The following MYO16 variants were observed in gnomAD, a reference collection of about 807,000 sequenced individuals.
MYO16 encodes the protein myosin XVI.
A neutral mutation model predicts 205.3 loss-of-function variants in MYO16; 94 were observed. That is an observed-to-expected ratio of 0.46 (90% CI 0.39 to 0.54). The LOEUF (loss-of-function observed/expected upper bound fraction) is 0.54. Ranked by LOEUF, MYO16 falls within the 20% of genes least tolerant of loss-of-function variation. MYO16 has a pLI of 0.00. For missense variants in MYO16, 2,315 were observed against 2,387.5 expected (o/e 0.97, Z 0.63); for synonymous variants, 988 against 954.0 (o/e 1.04, Z -0.66).
At position 109,127,571 on chromosome 13, in the gene MYO16, C is replaced by T; in HGVS notation, c.4051+21C>T. ...CGAAGGTCAGCCCTGGGGAGGGACC[C>T]AGCCTCGTGTTCCGGGCTCGCGCAT... On this transcript the variant is annotated intron_variant, in intron 31 of 34. Transcript: ENST00000457511. This position sits in a 1 kb window ranked among gnomAD's most constrained non-coding sequence, Gnocchi z 4.2. The T allele has an allele frequency of 6.2e-7, 1 of 1,603,384 alleles. No individual in the cohort carries two copies. The highest frequency in any genetic ancestry group is 1.1e-5 in the South Asian group (1 of 90,646).
At chr13:108,716,787 T>C (rs1394949453) in intron 3 of MYO16, among the ~76,000 whole-genome samples, 1 of 152,220 alleles carries the variant, frequency 6.6e-6, no homozygotes, top group African/African-American at 2.4e-5. Context: ...AATTACTTAG[T>C]TGTGTTTAAC....
At position 109,140,246 on chromosome 13, in the gene MYO16, C is replaced by T. The variant is rs201978791; in HGVS notation, c.4052-18C>T. The T allele has an allele frequency of 7.2e-3, 11,477 of 1,597,208 alleles. 59 individuals carry two copies. The highest frequency in any genetic ancestry group is 8.9e-3 in the Non-Finnish European group (10,460 of 1,178,390). ...GGCCTGGCCTGGCACCCACTGACCG[C>T]GTCCTTTCCTGCCGCAGCTCTGGCC... On this transcript the variant is annotated intron_variant, in intron 31 of 34. Coordinates refer to ENST00000457511, the MANE Select transcript of MYO16 (RefSeq NM_001198950.3). The surrounding 1 kb of genome is among the most constrained non-coding windows in gnomAD (Gnocchi z 8.0).
intron 16 of MYO16, among the ~76,000 whole-genome samples, chr13:108,921,404 T>A (rs1270132751): frequency 6.6e-6 from 1 of 152,220 alleles, no homozygotes; most frequent in Non-Finnish European, 1.5e-5. Context: ...GTGACCATTC[T>A]TACACATGAT....
chr13:108,973,416 A>T (rs1248797390), intron 20 of MYO16, among the ~76,000 whole-genome samples: 1 of 152,234 alleles, frequency 6.6e-6, no homozygotes, highest in Admixed American at 6.5e-5. Context: ...CAATGATTCA[A>T]TTCCTGAAAT....
intron 13 of MYO16, among the ~76,000 whole-genome samples, chr13:108,885,985 G>A (rs77078022): frequency 6.6e-6 from 1 of 151,804 alleles, no homozygotes; most frequent in African/African-American, 2.4e-5. Context: ...TTTGCTTTGG[G>A]TCTTTTTTTT....
In MYO16 at chr13:109,055,195, C is replaced by CT. The variant is rs1198052643; in HGVS notation, c.3129+77dup. On this transcript the variant is annotated intron_variant, in intron 26 of 34. Transcript: ENST00000457511. This position sits in a 1 kb window ranked among gnomAD's most constrained non-coding sequence, Gnocchi z 5.0. ...AGCAACTAAAGAGGGTTTATGTAGA[C>CT]TTTTTTTTCCATTTTTGACAACTTA... is the stretch of plus-strand genomic sequence containing the variant. The CT allele has an allele frequency of 3.2e-5, 43 of 1,323,254 alleles. No homozygotes were observed. The highest frequency in any genetic ancestry group is 1.0e-4 in the African/African-American group (7 of 67,036). The allele number at this position is 1,323,254 out of a possible 1,614,324, so 82.0% of individuals were successfully genotyped here.
chr13:108,626,909 T>C (rs1879761058), upstream of MYO16, among the ~76,000 whole-genome samples: 1 of 146,742 alleles, frequency 6.8e-6, no homozygotes, highest in Admixed American at 6.9e-5. Context: ...GTATATTATA[T>C]ATATTATATA....
the MYO16 span, among the ~76,000 whole-genome samples, chr13:108,499,138 A>G: frequency 1.3e-5 from 2 of 152,244 alleles, no homozygotes; most frequent in East Asian, 3.8e-4. Flanking sequence ...TCAAACATTT[A>G]TACTCAACTT....
chr13:108,667,319 T>G (rs868785714), intron 2 of MYO16, among the ~76,000 whole-genome samples: 3 of 143,616 alleles, frequency 2.1e-5, no homozygotes, highest in Middle Eastern at 3.5e-3. Context: ...ATTTCTGTTT[T>G]GTTTTTTTTT....
chr13:109,040,148 G>A (rs1886834818), intron 23 of MYO16, among the ~76,000 whole-genome samples: 1 of 151,940 alleles, frequency 6.6e-6, no homozygotes, highest in Non-Finnish European at 1.5e-5. Flanking sequence ...AATTTGAATA[G>A]CACCATAACT....
At chr13:108,655,761 TG>T (rs1233132131) in intron 1 of MYO16, among the ~76,000 whole-genome samples, 5 of 152,184 alleles carry the variant, frequency 3.3e-5, no homozygotes, top group African/African-American at 9.6e-5. Flanking sequence ...GTGACCTGGA[TG>T]TGAGACCTGG....
chr13:109,150,813 G>A (rs1384037362), intron 32 of MYO16, among the ~76,000 whole-genome samples: 4 of 152,168 alleles, frequency 2.6e-5, no homozygotes, highest in African/African-American at 9.7e-5. Context: ...TCTCTACACT[G>A]GATTGCAAAT....
chr13:108,679,304 G>A (rs1313549340), intron 2 of MYO16, among the ~76,000 whole-genome samples: 5 of 151,932 alleles, frequency 3.3e-5, no homozygotes, highest in South Asian at 2.1e-4. Context: ...CCACTCACCC[G>A]CTTCCTTCTT....
intron 1 of MYO16, among the ~76,000 whole-genome samples, chr13:108,615,780 T>C (rs1032936235): frequency 6.6e-6 from 1 of 152,196 alleles, no homozygotes; most frequent in African/African-American, 2.4e-5. Flanking sequence ...ATTAATGATT[T>C]CCAGAGGCCT....
chr13:109,003,293 G>A (rs1885277368), intron 21 of MYO16, among the ~76,000 whole-genome samples: 1 of 152,136 alleles, frequency 6.6e-6, no homozygotes, highest in Non-Finnish European at 1.5e-5. Context: ...ATTTCTCTAC[G>A]GGATTTTAAT....
chr13:109,140,661 C>T lies in MYO16; in HGVS notation c.4449C>T (p.His1483=), dbSNP rs141423536. The T allele has an allele frequency of 0.045, 67,780 of 1,494,596 alleles. 1,722 individuals carry two copies. The highest frequency in any genetic ancestry group is 0.051 in the Non-Finnish European group (57,765 of 1,125,802). The allele number at this position is 1,494,596 out of a possible 1,614,324, so 92.6% of individuals were successfully genotyped here. A position where few individuals can be genotyped will look rare whatever the true frequency, so the allele number is the denominator to read the frequency against. The part of the protein sequence containing the change: ...LLHGASPPLL[H]RAPEDEAAGP... ...ACGGCGCATCGCCGCCCCTGCTCCACCGCGCGCCGGAGGACGAGGCGGCGG... is the reference window on the plus strand; with the variant it reads ...ACGGCGCATCGCCGCCCCTGCTCCATCGCGCGCCGGAGGACGAGGCGGCGG... The change falls in exon 32 of 35, where the codon CAC becomes CAT. Residue 1483 remains histidine, a synonymous_variant. Coordinates refer to ENST00000457511, the MANE Select transcript of MYO16 (RefSeq NM_001198950.3). This position sits in a 1 kb window ranked among gnomAD's most constrained non-coding sequence, Gnocchi z 8.0.
intron 1 of MYO16, among the ~76,000 whole-genome samples, chr13:108,604,886 A>T (rs1453060224): frequency 6.6e-6 from 1 of 152,172 alleles, no homozygotes; most frequent in Admixed American, 6.6e-5. Context: ...CATATTATTG[A>T]GTAAATGGCT....
intron 16 of MYO16, among the ~76,000 whole-genome samples, chr13:108,914,698 A>G (rs1028141138): frequency 6.6e-6 from 1 of 152,048 alleles, no homozygotes; most frequent in Non-Finnish European, 1.5e-5. Flanking sequence ...GCTGGAGTGC[A>G]GTGGTGCTAT....
chr13:108,673,153 C>T (rs1882062343), intron 2 of MYO16, among the ~76,000 whole-genome samples: 1 of 152,090 alleles, frequency 6.6e-6, no homozygotes, highest in Non-Finnish European at 1.5e-5. Context: ...TAGACAACGT[C>T]ATACTGCAAA....
Sources: allele counts gnomAD v4.1 joint callset (sites outside exome capture counted in the v4.1 genomes callset), GRCh38; gene constraint gnomAD v4.1.1; non-coding constraint Gnocchi (gnomAD v3.1); transcripts MANE v1.5; gene names NCBI Gene and HGNC (gene_info 2026-07-23, HGNC 2026-07-21).